FOCAD: variants seen among roughly 807,000 people sequenced by gnomAD.
FOCAD encodes the protein focadhesin, also known as KIAA1797.
A neutral mutation model predicts 225.6 loss-of-function variants in FOCAD; 198 were observed. The ratio of observed to expected loss-of-function variants is 0.88; its 90% confidence interval spans 0.78 to 0.99. The LOEUF (loss-of-function observed/expected upper bound fraction) is 0.99. FOCAD is among the 50% of genes least tolerant of loss of function. The probability of loss-of-function intolerance (pLI) is 0.00; values close to 1 mark genes in which losing one functional copy is unlikely to be tolerated. For missense variants in FOCAD, 2,713 were observed against 2,123.6 expected (o/e 1.28, Z -5.46); for synonymous variants, 897 against 755.0 (o/e 1.19, Z -3.08).
intron 15 of FOCAD, among the ~76,000 whole-genome samples, chr9:20,830,668 T>A (rs1221234625): frequency 8.5e-5 from 13 of 152,122 alleles, no homozygotes. Context: ...TTAAGTTGCT[T>A]CCCATTTTTC....
chr9:20,910,479 C>G (rs527478303), intron 22 of FOCAD, among the ~76,000 whole-genome samples: 1 of 151,840 alleles, frequency 6.6e-6, no homozygotes, highest in African/African-American at 2.4e-5. Context: ...ACCTTTTTTG[C>G]TTTTTTTGTG....
chr9:20,860,636 T>G (rs1241242755), intron 15 of FOCAD, among the ~76,000 whole-genome samples: 2 of 152,104 alleles, frequency 1.3e-5, no homozygotes, highest in African/African-American at 2.4e-5. Context: ...TTTCAAGCGA[T>G]TTTTGTGCGT....
At chr9:20,848,016 G>A (rs1465382627) in intron 15 of FOCAD, among the ~76,000 whole-genome samples, 1 of 151,942 alleles carries the variant, frequency 6.6e-6, no homozygotes, top group Admixed American at 6.6e-5. Flanking sequence ...GAAATTATGG[G>A]GTGTAGGAGG....
intron 15 of FOCAD, among the ~76,000 whole-genome samples, chr9:20,841,659 G>T: frequency 6.6e-6 from 1 of 150,940 alleles, no homozygotes; most frequent in African/African-American, 2.4e-5. Context: ...TTTTTAATTA[G>T]TCTGGCTAAA....
Position 20,686,579 on chromosome 9 carries a change from A to G in FOCAD, c.-33+2286A>G, listed in dbSNP as rs557842722. Among the ~76,000 whole-genome samples, 4 of 152,366 alleles carry G rather than the reference A, an allele frequency of 2.6e-5. No individual in the cohort carries two copies. The South Asian group carries it at 8.3e-4, about 32-fold the overall frequency. The stretch of plus-strand genomic sequence containing the variant: ...ATAATAGTTTAAGGATTATTAGTCT[A>G]TAACAAATCTTGATCTTAATCAGTA... On this transcript the variant is annotated intron_variant, in intron 1 of 43. Coordinates refer to ENST00000338382, the MANE Select transcript of FOCAD (RefSeq NM_001375567.1).
intron 4 of FOCAD, among the ~76,000 whole-genome samples, chr9:20,729,215 A>C (rs1465441705): frequency 1.3e-5 from 2 of 152,212 alleles, no homozygotes; most frequent in African/African-American, 4.8e-5. Flanking sequence ...AGGTGTCAGC[A>C]GGACTGATTC....
At chr9:20,715,465 T>A in intron 2 of FOCAD, 55 bp downstream of exon 2, 1 of 982,788 alleles carries the variant, frequency 1.0e-6, no homozygotes, top group Non-Finnish European at 1.4e-6. Context: ...GTTCTGTGGA[T>A]TTTTAACTGA....
intron 21 of FOCAD, among the ~76,000 whole-genome samples, chr9:20,905,005 G>C (rs1379026984): frequency 6.6e-6 from 1 of 151,784 alleles, no homozygotes; most frequent in Non-Finnish European, 1.5e-5. Flanking sequence ...AGTCCTTTTT[G>C]CTTGTGACAC....
At chr9:20,911,634 G>A (rs1385920980) in intron 22 of FOCAD, among the ~76,000 whole-genome samples, 3 of 152,148 alleles carry the variant, frequency 2.0e-5, no homozygotes, top group African/African-American at 4.8e-5. Flanking sequence ...ACTATTTAAT[G>A]TGATGCTTTA....
intron 21 of FOCAD, among the ~76,000 whole-genome samples, chr9:20,906,909 G>A (rs1314446649): frequency 6.6e-6 from 1 of 151,906 alleles, no homozygotes; most frequent in Admixed American, 6.6e-5. Context: ...ATTATTGTAG[G>A]ATTTTATTTG....
intron 6 of FOCAD, among the ~76,000 whole-genome samples, chr9:20,760,890 T>A (rs961977652): frequency 6.6e-6 from 1 of 152,146 alleles, no homozygotes; most frequent in African/African-American, 2.4e-5. Context: ...AGGTTGTTAA[T>A]GAGTATATGA....
At chr9:20,850,299 ATTTTATTTTTATTT>A (rs1272644172) in intron 15 of FOCAD, among the ~76,000 whole-genome samples, 1 of 151,706 alleles carries the variant, frequency 6.6e-6, no homozygotes, top group Non-Finnish European at 1.5e-5. Flanking sequence ...ACATTGTATT[ATTTTATTTTTATTT>A]TTTTATTTTT....
At chr9:20,752,054 A>G (rs1409739116) in intron 5 of FOCAD, among the ~76,000 whole-genome samples, 2 of 141,940 alleles carry the variant, frequency 1.4e-5, no homozygotes, top group African/African-American at 2.6e-5. Context: ...GATTCTGGAT[A>G]TTAGCCCTTT....
At chr9:20,948,618 A>G (rs780166782) in intron 31 of FOCAD, among the ~76,000 whole-genome samples, 2 of 152,188 alleles carry the variant, frequency 1.3e-5, no homozygotes, top group East Asian at 3.8e-4. Flanking sequence ...TAATTTTAAG[A>G]CAACATTTTG....
At chr9:20,917,389 C>A (rs559002248) in intron 24 of FOCAD, among the ~76,000 whole-genome samples, 3 of 152,178 alleles carry the variant, frequency 2.0e-5, no homozygotes, top group East Asian at 3.9e-4. Context: ...AATGCCAAGG[C>A]CCATTTAAAA....
chr9:20,943,840 C>T (rs1028296394), intron 28 of FOCAD, among the ~76,000 whole-genome samples: 1 of 152,154 alleles, frequency 6.6e-6, no homozygotes, highest in African/African-American at 2.4e-5. Context: ...TAAAGTAAAG[C>T]ATTACCACAA....
intron 15 of FOCAD, among the ~76,000 whole-genome samples, chr9:20,843,433 T>C (rs1826751914): frequency 6.6e-6 from 1 of 152,142 alleles, no homozygotes; most frequent in Admixed American, 6.6e-5. Context: ...TGCCACTCTC[T>C]CCTAGCCTGT....
At chr9:20,871,418 A>G (rs1310022736) in intron 18 of FOCAD, among the ~76,000 whole-genome samples, 4 of 151,890 alleles carry the variant, frequency 2.6e-5, no homozygotes, top group Non-Finnish European at 5.9e-5. Context: ...ATATAATATT[A>G]TTGCCAAAAT....
chr9:20,693,059 C>A (rs976568341), intron 1 of FOCAD, among the ~76,000 whole-genome samples: 31 of 152,304 alleles, frequency 2.0e-4, no homozygotes, highest in African/African-American at 7.2e-4. Context: ...CCCAAACTCT[C>A]CAGTGGCTTC....
Sources: gnomAD v4.1 joint callset for allele counts (sites outside exome capture counted in the v4.1 genomes callset) on GRCh38, gnomAD v4.1.1 for gene constraint, MANE v1.5 for transcripts, NCBI Gene and HGNC (gene_info 2026-07-23, HGNC 2026-07-21) for gene names.